TBCE: variants seen among roughly 807,000 people sequenced by gnomAD.
TBCE encodes tubulin folding cofactor E, also known as tubulin-specific chaperone E.
A neutral mutation model predicts 77.0 loss-of-function variants in TBCE; 53 were observed. The ratio of observed to expected loss-of-function variants is 0.69; its 90% CI spans 0.55 to 0.87. The LOEUF is 0.87. TBCE is among the 40% of genes least tolerant of loss of function. The probability of loss-of-function intolerance (pLI) is 0.00; values close to 1 mark genes in which losing one functional copy is unlikely to be tolerated. For synonymous variants in TBCE, 235 were observed against 241.3 expected, an observed-to-expected ratio of 0.97 and a Z score of 0.24; for missense variants, 624 against 622.4, an observed-to-expected ratio of 1.00 and a Z score of -0.03.
In TBCE at chr1:235,449,643, G is replaced by A. The variant is rs1682770530; in HGVS notation, c.*881G>A. 1 of 152,520 alleles carries A rather than the reference G, an allele frequency of 6.6e-6. No homozygotes were observed. The highest frequency in any genetic ancestry group is 2.4e-5 in the African/African-American group (1 of 41,424). The allele number at this position is 152,520 out of a possible 1,614,324, so 9.4% of individuals were successfully genotyped here. A position where few individuals can be genotyped will look rare whatever the true frequency, so the allele number is the denominator to read the frequency against. ...ATCATATTGGTTCCTCTTCAAGTTA[G>A]TTCAAGTTGCCCACTTCAGAGATCC... On this transcript the variant is annotated 3_prime_UTR_variant, in exon 17 of 17. Coordinates refer to ENST00000642610, the MANE Select transcript of TBCE (RefSeq NM_003193.5).
chr1:235,368,629 G>C (rs1676714130), intron 1 of TBCE, among the ~76,000 whole-genome samples: 1 of 125,646 alleles, frequency 8.0e-6, no homozygotes, highest in African/African-American at 3.2e-5. Flanking sequence ...CCCAATCTCA[G>C]CTCACTGCAA....
At position 235,436,388 on chromosome 1, in the gene TBCE, T is replaced by G; in HGVS notation, c.836T>G (p.Leu279Ter). Residue 279 changes from leucine to a stop codon, truncating the protein, a stop_gained and splice_region_variant, in exon 10 of 17, where the codon TTA becomes TGA. Transcript: ENST00000642610. LOFTEE classifies it high-confidence loss of function. ...AAATTGTACATTTTGAATTTCAGGT[T>G]AGAACAATTAATCCTCTCTGACACT... Reference protein sequence around the residue: ...QLYLIAHLPRLEQLILSDTGI... With the variant: ...QLYLIAHLPR 1 of 1,613,390 alleles carries G rather than the reference T, an allele frequency of 6.2e-7. No individual in the cohort carries two copies. The highest frequency in any genetic ancestry group is 1.1e-5 in the South Asian group (1 of 91,074).
chr1:235,389,802 G>A (rs922677478), intron 2 of TBCE, among the ~76,000 whole-genome samples: 1 of 151,708 alleles, frequency 6.6e-6, no homozygotes, highest in Non-Finnish European at 1.5e-5. Flanking sequence ...GCATATTGTT[G>A]TAAATAAACA....
At chr1:235,391,466 C>T (rs964040046) in intron 2 of TBCE, among the ~76,000 whole-genome samples, 5 of 143,642 alleles carry the variant, frequency 3.5e-5, no homozygotes, top group Non-Finnish European at 7.6e-5. Flanking sequence ...GCCTGGGCCA[C>T]AAAGACTCCA....
chr1:235,442,455 C>T (rs1681959380), intron 14 of TBCE, among the ~76,000 whole-genome samples: 1 of 151,818 alleles, frequency 6.6e-6, no homozygotes, highest in Non-Finnish European at 1.5e-5. Context: ...GCGGCATGAG[C>T]TACCGCGCCC....
At chr1:235,368,155 C>T (rs1230248457) in intron 1 of TBCE, among the ~76,000 whole-genome samples, 1 of 152,212 alleles carries the variant, frequency 6.6e-6, no homozygotes, top group Non-Finnish European at 1.5e-5. Flanking sequence ...ATCCACCCGC[C>T]TCGGCCTCCC....
chr1:235,448,473 C>T (rs571403872), intron 16 of TBCE, 33 bp downstream of exon 16: 91 of 1,589,916 alleles, frequency 5.7e-5, no homozygotes, highest in South Asian at 2.3e-4. Context: ...AAGTCAAAGT[C>T]AAGCTTAGTC....
intron 8 of TBCE, 95 bp from the exon 9 acceptor site, chr1:235,435,650 C>A: frequency 8.4e-7 from 1 of 1,184,654 alleles, no homozygotes; most frequent in Non-Finnish European, 1.3e-6. Context: ...TTATCCCCAG[C>A]CCTCCATCGC....
intron 15 of TBCE, 44 bp downstream of exon 15, chr1:235,442,955 G>T (rs368077100): frequency 6.4e-4 from 1,024 of 1,598,230 alleles, no homozygotes; most frequent in Non-Finnish European, 8.4e-4. Context: ...CTGAATCATC[G>T]GCCTAGGTAT....
chr1:235,441,529 A>G (rs903748934), intron 13 of TBCE: 11 of 455,886 alleles, frequency 2.4e-5, no homozygotes, highest in Non-Finnish European at 4.0e-5. Context: ...ACACATGTAA[A>G]CATGTTGCTT....
At chr1:235,404,196 G>A (rs1679284247) in intron 3 of TBCE, among the ~76,000 whole-genome samples, 1 of 151,988 alleles carries the variant, frequency 6.6e-6, no homozygotes, top group Non-Finnish European at 1.5e-5. Flanking sequence ...AGAATTGCTT[G>A]AACCTGGGAG....
rs561578953 is a variant in TBCE, at chr1:235,411,330, A to G, written c.186-3103A>G. On this transcript the variant is annotated intron_variant, in intron 3 of 16. Coordinates refer to ENST00000642610, the MANE Select transcript of TBCE (RefSeq NM_003193.5). ...CTCTATAAGTCAAGTTTGATTCCAT[A>G]AAGGAACACACACCATTCCAGTTGA... is the stretch of plus-strand genomic sequence containing the variant. Among the ~76,000 whole-genome samples, 556 of 152,300 alleles carry G rather than the reference A, an allele frequency of 3.7e-3. 4 individuals carry two copies. Among genetic ancestry groups the G allele is most frequent in the African/African-American group, 0.013 (534 of 41,558 alleles).
intron 15 of TBCE, among the ~76,000 whole-genome samples, chr1:235,445,332 A>C (rs1332602241): frequency 6.6e-6 from 1 of 152,204 alleles, no homozygotes; most frequent in Non-Finnish European, 1.5e-5. Flanking sequence ...AATGTCTTCT[A>C]AACAGAAAAG....
chr1:235,419,572 C>G lies in TBCE; in HGVS notation c.460+11C>G, dbSNP rs1357570788. 6.2e-7 allele frequency: 1 copy of G among 1,613,884 alleles called. No individual in the cohort carries two copies. The highest frequency in any genetic ancestry group is 1.3e-5 in the African/African-American group (1 of 74,884). On this transcript the variant is annotated intron_variant, in intron 5 of 16. Transcript: ENST00000642610. ...CTGAAGCATGTCCTAGTATCCTTTT[C>G]ACCGAGAGCTTGTTATTGGAATCTG...
At chr1:235,375,105 A>G (rs1162523624) in intron 1 of TBCE, among the ~76,000 whole-genome samples, 1 of 151,364 alleles carries the variant, frequency 6.6e-6, no homozygotes, top group African/African-American at 2.4e-5. Flanking sequence ...TATTTTTAGT[A>G]GAGATGGGGT....
At chr1:235,388,868 A>G (rs905667825) in intron 2 of TBCE, among the ~76,000 whole-genome samples, 39 of 152,216 alleles carry the variant, frequency 2.6e-4, no homozygotes, top group African/African-American at 8.4e-4. Flanking sequence ...CAAATATTTC[A>G]GCTGTCTCCT....
chr1:235,447,422 G>GAA (rs1427630816), intron 15 of TBCE, among the ~76,000 whole-genome samples: 1 of 152,184 alleles, frequency 6.6e-6, no homozygotes, highest in Non-Finnish European at 1.5e-5. Context: ...CCCGTCTTTG[G>GAA]AAAGAAGTTC....
chr1:235,369,948 G>A (rs1676807538), intron 1 of TBCE, among the ~76,000 whole-genome samples: 1 of 151,976 alleles, frequency 6.6e-6, no homozygotes, highest in East Asian at 1.9e-4. Flanking sequence ...TTGCTCTACT[G>A]TATGGTCTCC....
intron 12 of TBCE, 100 bp downstream of exon 12, chr1:235,437,574 G>A (rs919188247): frequency 2.2e-6 from 3 of 1,371,210 alleles, no homozygotes; most frequent in African/African-American, 2.9e-5. Flanking sequence ...CACTTTGGGA[G>A]GCTGGGGCAG....
Sources: gnomAD v4.1 joint callset for allele counts (sites outside exome capture counted in the v4.1 genomes callset) on GRCh38, gnomAD v4.1.1 for gene constraint, MANE v1.5 for transcripts, NCBI Gene and HGNC (gene_info 2026-07-23, HGNC 2026-07-21) for gene names.